The following BRD9 variants were observed in gnomAD, a reference collection of about 807,000 sequenced individuals.
The protein encoded by BRD9 is bromodomain containing 9.
In BRD9, 47 loss-of-function variants were observed where a neutral mutation model predicts 68.7. The observed-to-expected ratio is 0.68, with a 90% CI of 0.54 to 0.87. BRD9 has a LOEUF of 0.87. Among genes scored for constraint, BRD9 ranks in the 40% least tolerant of loss-of-function variants. BRD9 has a pLI of 0.00. For synonymous variants in BRD9, 313 were observed against 293.9 expected (o/e 1.06, Z -0.67); for missense variants, 670 against 748.4 (o/e 0.90, Z 1.22).
At chr5:867,261 T>C (rs745581837) in intron 14 of BRD9, among the ~76,000 whole-genome samples, 44 of 152,310 alleles carry the variant, frequency 2.9e-4, no homozygotes, top group Non-Finnish European at 4.0e-4. Context: ...AGAGGATGTA[T>C]GGAAAAGCCA....
At chr5:886,565 C>A in intron 7 of BRD9, 27 bp downstream of exon 7, 1 of 1,600,516 alleles carries the variant, frequency 6.2e-7, no homozygotes, top group South Asian at 1.1e-5. Flanking sequence ...ACTCCAAAAG[C>A]AAATGTGGTT....
At chr5:866,799 T>C (rs913128577) in intron 14 of BRD9, among the ~76,000 whole-genome samples, 15 of 152,158 alleles carry the variant, frequency 9.9e-5, no homozygotes, top group Admixed American at 2.6e-4. Context: ...CTATGCTCAC[T>C]TGCACAAACA....
intron 6 of BRD9, chr5:886,938 G>C: frequency 1.5e-6 from 1 of 646,344 alleles, no homozygotes; most frequent in Non-Finnish European, 2.6e-6. Flanking sequence ...GCCAGAGCGC[G>C]GCAGGTGCCG....
intron 8 of BRD9, chr5:882,674 A>G (rs1295308845): frequency 1.8e-5 from 3 of 169,846 alleles, no homozygotes; most frequent in Non-Finnish European, 2.5e-5. Flanking sequence ...ACCTCCCAAC[A>G]CTTGAGCCAC....
chr5:877,783 G>A (rs938274347), intron 11 of BRD9, among the ~76,000 whole-genome samples: 5 of 152,146 alleles, frequency 3.3e-5, no homozygotes, highest in African/African-American at 9.7e-5. Flanking sequence ...GGACTTTAAC[G>A]GCCTTTAGAG....
chr5:881,035 T>C, intron 9 of BRD9, 72 bp downstream of exon 9: 1 of 1,496,152 alleles, frequency 6.7e-7, no homozygotes, highest in Non-Finnish European at 9.2e-7. Flanking sequence ...CAGCTTTTCA[T>C]TACAGAATAT....
chr5:889,916 T>C (rs1373625518), intron 3 of BRD9: 1 of 486,468 alleles, frequency 2.1e-6, no homozygotes, highest in Non-Finnish European at 3.7e-6. Context: ...CTTAGCAATG[T>C]TTTCAGCTCA....
At chr5:864,669 C>A in intron 15 of BRD9, 101 bp from the exon 16 acceptor site, 2 of 970,710 alleles carry the variant, frequency 2.1e-6, no homozygotes, top group Admixed American at 2.3e-5. Flanking sequence ...ACCGCCAGGG[C>A]TCAGGGACTC....
chr5:881,067 T>C, intron 9 of BRD9, 40 bp downstream of exon 9: 3 of 1,596,862 alleles, frequency 1.9e-6, no homozygotes, highest in Non-Finnish European at 8.6e-7. Context: ...CAAAAAGCAG[T>C]GTACGGAGAG....
chr5:865,804 C>T (rs1050965294), intron 14 of BRD9: 1 of 518,920 alleles, frequency 1.9e-6, no homozygotes, highest in African/African-American at 1.9e-5. Context: ...GTCCTTTGCT[C>T]AAGCAAAGCA....
chr5:891,579 GA>G (rs1415216453), intron 2 of BRD9, 60 bp downstream of exon 2: 1 of 1,529,138 alleles, frequency 6.5e-7, no homozygotes, highest in East Asian at 2.4e-5. Flanking sequence ...TGGGTCCTGG[GA>G]CCAGGCTCCC....
chr5:889,517 G>A, intron 4 of BRD9, 70 bp downstream of exon 4: 3 of 1,535,210 alleles, frequency 2.0e-6, no homozygotes, highest in Non-Finnish European at 2.7e-6. Context: ...CTGGCGTGGG[G>A]AATAAGGCCT....
In BRD9 at chr5:883,931, G is replaced by A; in HGVS notation, c.966+7C>T. On this transcript the variant is annotated splice_region_variant and intron_variant, in intron 8 of 15. Coordinates refer to ENST00000467963, the MANE Select transcript of BRD9 (RefSeq NM_023924.5). ...GGCACCCTCTCTCGGTGGCCACAGA[G>A]CACTACCTTGCCGCCTGGGAGGAAC... The A allele has an allele frequency of 1.2e-6, 2 of 1,609,924 alleles. No individual in the cohort carries two copies. The highest frequency in any genetic ancestry group is 1.7e-6 in the Non-Finnish European group (2 of 1,179,566).
At chr5:891,320 A>C (rs753913654) in intron 2 of BRD9, 33 bp from the exon 3 acceptor site, 19 of 1,547,048 alleles carry the variant, frequency 1.2e-5, no homozygotes, top group African/African-American at 9.6e-5. Context: ...TGAGAAAGGC[A>C]GGAGTAGGCG....
At chr5:874,191 G>C (rs915041730) in intron 12 of BRD9, among the ~76,000 whole-genome samples, 13 of 152,072 alleles carry the variant, frequency 8.5e-5, no homozygotes, top group African/African-American at 3.1e-4. Flanking sequence ...TCGACCTCCC[G>C]GCCTCAAGTG....
chr5:876,066 A>G (rs1560904304), intron 12 of BRD9, 35 bp downstream of exon 12: 16 of 1,504,574 alleles, frequency 1.1e-5, no homozygotes, highest in Non-Finnish European at 1.4e-5. Flanking sequence ...CCCCAAGGGC[A>G]CCTGCCCCCC....
rs1361644774 is a variant in BRD9, at chr5:886,618, G to T, written c.807C>A (p.Ser269=). The T allele has an allele frequency of 6.2e-7, 1 of 1,613,320 alleles. No homozygotes were observed. The highest frequency in any genetic ancestry group is 8.5e-7 in the Non-Finnish European group (1 of 1,179,770). Residue 269 remains serine (S), a synonymous_variant, in exon 7 of 16, where the codon TCC becomes TCA. Coordinates refer to ENST00000467963, the MANE Select transcript of BRD9 (RefSeq NM_023924.5). ...TGATAACTTCTCTACTCGGCTTTTT[G>T]GATTTCTTGGCAGTTTCTACTTGTA... The part of the protein sequence containing the change: ...VPVQVETAKK[S]KKPSREVISC...
intron 3 of BRD9, among the ~76,000 whole-genome samples, chr5:890,919 T>C (rs1052210253): frequency 1.3e-5 from 2 of 152,138 alleles, no homozygotes; most frequent in African/African-American, 4.8e-5. Context: ...CATCCTTAGC[T>C]AACAAGTTAA....
chr5:884,672 A>C (rs1752285336), intron 7 of BRD9, among the ~76,000 whole-genome samples: 1 of 152,168 alleles, frequency 6.6e-6, no homozygotes, highest in Admixed American at 6.5e-5. Flanking sequence ...GCTCCTTCCC[A>C]CCCTGGGCAC....
Sources: allele counts gnomAD v4.1 joint callset (sites outside exome capture counted in the v4.1 genomes callset), GRCh38; gene constraint gnomAD v4.1.1; transcripts MANE v1.5; gene names NCBI Gene and HGNC (gene_info 2026-07-23, HGNC 2026-07-21).